CFAP47: variants seen among roughly 807,000 people sequenced by gnomAD.
CFAP47 encodes the protein cilia- and flagella-associated protein 47.
In CFAP47, 29 loss-of-function variants were observed where a neutral mutation model predicts 148.1. That is an observed-to-expected ratio of 0.20 (90% confidence interval 0.15 to 0.27). CFAP47 has a LOEUF of 0.27. CFAP47 is among the 10% of genes least tolerant of loss of function. The probability of loss-of-function intolerance (pLI) is 1.00; values close to 1 mark genes in which losing one functional copy is unlikely to be tolerated. For synonymous variants in CFAP47, 664 were observed against 577.3 expected (o/e 1.15, Z -2.15); for missense variants, 1,872 against 1,697.5 (o/e 1.10, Z -1.81).
At chrX:36,274,485 C>T (rs187858776) in intron 49 of CFAP47, among the ~76,000 whole-genome samples, 30 of 111,204 alleles carry the variant, frequency 2.7e-4, no homozygotes, top group African/African-American at 9.8e-4. Flanking sequence ...ATCATTTTAC[C>T]AGGATATAAG....
intron 26 of CFAP47, among the ~76,000 whole-genome samples, chrX:36,058,715 G>T (rs1601952719): frequency 9.0e-6 from 1 of 111,561 alleles, no homozygotes; most frequent in East Asian, 2.8e-4. Flanking sequence ...GTTCCTAATT[G>T]ATTTATTTTG....
intron 40 of CFAP47, among the ~76,000 whole-genome samples, chrX:36,182,523 G>A (rs143418046): frequency 0.013 from 1,447 of 111,416 alleles, 19 homozygotes; most frequent in African/African-American, 0.043. Flanking sequence ...ACTTAGTAAC[G>A]TTACACGTTA....
In CFAP47 at chrX:35,991,816, AT is replaced by A. The variant is rs1798147583; in HGVS notation, c.2845-3del. 6.8e-6 allele frequency: 2 copies of A among 293,835 alleles called. No homozygotes were observed. Among genetic ancestry groups the A allele is most frequent in the Admixed American group, 1.2e-4 (2 of 16,038 alleles). 24.2% of individuals were successfully genotyped at this position (293,835 alleles called of 1,213,427 possible). A position where few individuals can be genotyped will look rare whatever the true frequency, so the allele number is the denominator to read the frequency against. Reference sequence around the variant, plus strand: ...GTGTTTTTTCTTTCCTCCTCTCGTTATTAGCTTGGTCGCACCAAGGTTTTAC... The same window carrying A: ...GTGTTTTTTCTTTCCTCCTCTCGTTATAGCTTGGTCGCACCAAGGTTTTAC... On this transcript the variant is annotated splice_region_variant and splice_polypyrimidine_tract_variant and intron_variant, in intron 16 of 63. Transcript: ENST00000378653.
chrX:36,333,074 C>T (rs1255799015), intron 57 of CFAP47, among the ~76,000 whole-genome samples: 1 of 111,563 alleles, frequency 9.0e-6, no homozygotes, highest in Non-Finnish European at 1.9e-5. Context: ...TGAGATTTTC[C>T]TACCACTATC....
rs1044304907 is a variant in CFAP47 at position 36,030,061 on chromosome X, T to C, written c.3557-1192T>C. 3.6e-4 allele frequency among the ~76,000 whole-genome samples: 40 copies of C among 110,908 alleles called. 1 individual carries two copies. The highest frequency in any genetic ancestry group is 1.5e-4 in the Non-Finnish European group (8 of 52,597). On this transcript the variant is annotated intron_variant, in intron 22 of 63. Coordinates refer to ENST00000378653, the MANE Select transcript of CFAP47 (RefSeq NM_001304548.2). ...TCTTTCATGTTGAATAGTTCTTTAA[T>C]ATCTATTGACCCTTGCCTGTTTGCT... is the stretch of plus-strand genomic sequence containing the variant.
intron 10 of CFAP47, among the ~76,000 whole-genome samples, chrX:35,969,640 C>A (rs1419156139): frequency 9.0e-6 from 1 of 111,459 alleles, no homozygotes. Flanking sequence ...ATCCTTCTCT[C>A]CTTGTTAGAG....
chrX:36,148,728 T>C (rs1261332820), intron 36 of CFAP47, among the ~76,000 whole-genome samples: 1 of 111,830 alleles, frequency 8.9e-6, no homozygotes, highest in Non-Finnish European at 1.9e-5. Context: ...TTTTTGTAAA[T>C]TGGATATATA....
chrX:36,371,810 A>G (rs1303037108), intron 62 of CFAP47, among the ~76,000 whole-genome samples: 1 of 67,611 alleles, frequency 1.5e-5, no homozygotes, highest in Non-Finnish European at 2.6e-5. Context: ...ACACATGTAT[A>G]TATGTGTGCA....
Position 36,201,384 on chromosome X carries a change from T to C in CFAP47, c.6547T>C (p.Phe2183Leu). The stretch of plus-strand genomic sequence containing the variant: ...TGAAGCCAAGGAAAAGGCTTTGGCT[T>C]TTGCAGCACAGCAACAGATGTCGAG... ...TNEAKEKALA[F>L]AAQQQMSSIE... Residue 2183 changes from phenylalanine (F) to leucine (L), a missense_variant, in exon 44 of 64, where the codon TTT becomes CTT. Physicochemically the swap from Phe to Leu is conservative, Grantham distance 22. Transcript: ENST00000378653. 3.4e-6 allele frequency: 1 copy of C among 297,367 alleles called. No homozygotes were observed. The highest frequency in any genetic ancestry group is 5.9e-6 in the Non-Finnish European group (1 of 170,121). 24.5% of individuals were successfully genotyped at this position (297,367 alleles called of 1,213,427 possible). A position where few individuals can be genotyped will look rare whatever the true frequency, so the allele number is the denominator to read the frequency against.
chrX:36,230,305 A>C (rs1282553191), intron 46 of CFAP47, among the ~76,000 whole-genome samples: 1 of 107,143 alleles, frequency 9.3e-6, no homozygotes, highest in East Asian at 3.0e-4. Flanking sequence ...TGCCATTCTA[A>C]CTGGTGTGAG....
chrX:36,271,005 C>T (rs1556001759), intron 49 of CFAP47, among the ~76,000 whole-genome samples: 1 of 110,090 alleles, frequency 9.1e-6, no homozygotes, highest in African/African-American at 3.3e-5. Context: ...GTTTTTCCCA[C>T]CTTGCTGTTT....
intron 21 of CFAP47, among the ~76,000 whole-genome samples, chrX:36,006,616 A>G (rs936357921): frequency 3.6e-5 from 4 of 112,154 alleles, no homozygotes; most frequent in Non-Finnish European, 7.5e-5. Context: ...GAAATCAACA[A>G]TACATGATTG....
At chrX:36,180,307 AAAGTT>A (rs1939736110) in intron 40 of CFAP47, among the ~76,000 whole-genome samples, 1 of 112,157 alleles carries the variant, frequency 8.9e-6, no homozygotes, top group Non-Finnish European at 1.9e-5. Flanking sequence ...ATCACTATAT[AAAGTT>A]AAGTACAATT....
intron 31 of CFAP47, 79 bp downstream of exon 31, chrX:36,098,953 C>A: frequency 2.4e-6 from 1 of 425,289 alleles, no homozygotes; most frequent in Non-Finnish European, 3.9e-6. Context: ...TTAGAATATT[C>A]TACTTCAGAC....
Position 36,236,085 on chromosome X carries a change from C to G in CFAP47, c.7158+8C>G, listed in dbSNP as rs1353735385. On this transcript the variant is annotated splice_region_variant and intron_variant, in intron 47 of 63. Coordinates refer to ENST00000378653, the MANE Select transcript of CFAP47 (RefSeq NM_001304548.2). The stretch of plus-strand genomic sequence containing the variant: ...TTTGAATGTGTCATTACGGTATGAA[C>G]TCCTTGATATTTTCCCCAGTATTAA... The G allele has an allele frequency of 2.2e-6, 1 of 464,928 alleles. No individual in the cohort carries two copies. Among genetic ancestry groups the G allele is most frequent in the Non-Finnish European group, 3.8e-6 (1 of 260,718 alleles). The allele number at this position is 464,928 out of a possible 1,213,427, so 38.3% of individuals were successfully genotyped here. A position where few individuals can be genotyped will look rare whatever the true frequency, so the allele number is the denominator to read the frequency against.
At chrX:36,010,222 G>A (rs756470059) in intron 21 of CFAP47, among the ~76,000 whole-genome samples, 93 of 111,002 alleles carry the variant, frequency 8.4e-4, no homozygotes, top group African/African-American at 3.0e-3. Flanking sequence ...TACTTCCGTA[G>A]CATTTTCAGC....
intron 1 of CFAP47, among the ~76,000 whole-genome samples, chrX:35,923,906 CATGTGTATATATGTACATATAT>C (rs773443104): frequency 0.027 from 1,597 of 60,177 alleles, 20 homozygotes; most frequent in Non-Finnish European, 0.033. Context: ...TATATATGTA[CATGTGTATATATGTACATATAT>C]ATGTGTATAT....
chrX:36,070,456 AAAAC>A (rs1189492710), intron 27 of CFAP47, among the ~76,000 whole-genome samples: 1 of 108,865 alleles, frequency 9.2e-6, no homozygotes, highest in Non-Finnish European at 1.9e-5. Flanking sequence ...AGGACTAGCT[AAAAC>A]AGAGTGCGGG....
chrX:36,348,225 C>T lies in CFAP47; in HGVS notation c.8540C>T (p.Thr2847Met), dbSNP rs782433303. 186 of 1,054,550 alleles carry T rather than the reference C, an allele frequency of 1.8e-4. 1 individual carries two copies. The highest frequency in any genetic ancestry group is 1.6e-3 in the African/African-American group (82 of 50,249). 86.9% of individuals were successfully genotyped at this position (1,054,550 alleles called of 1,213,427 possible). A position where few individuals can be genotyped will look rare whatever the true frequency, so the allele number is the denominator to read the frequency against. Residue 2847 changes from threonine to methionine, a missense_variant, in exon 58 of 64, where the codon ACG becomes ATG. Coordinates refer to ENST00000378653, the MANE Select transcript of CFAP47 (RefSeq NM_001304548.2). ...LHKTMVIIEM[T>M]KANGKYWPID... ...AAAACAATGGTTATTATTGAGATGA[C>T]GAAAGCAAATGGAAAATATTGGCCT...
Sources: gnomAD v4.1 joint callset for allele counts (sites outside exome capture counted in the v4.1 genomes callset) on GRCh38, gnomAD v4.1.1 for gene constraint, MANE v1.5 for transcripts, NCBI Gene and HGNC (gene_info 2026-07-23, HGNC 2026-07-21) for gene names.